The following PLEKHH2 variants were observed in gnomAD, a reference collection of about 807,000 sequenced individuals.
The protein encoded by PLEKHH2 is pleckstrin homology, MyTH4 and FERM domain containing H2, also known as pleckstrin homology domain-containing family H member 2.
PLEKHH2 carries 129 observed loss-of-function variants against 187.9 expected under a neutral mutation model. The ratio of observed to expected loss-of-function variants is 0.69; its 90% CI spans 0.59 to 0.79. The LOEUF (loss-of-function observed/expected upper bound fraction) is 0.79. Among genes scored for constraint, PLEKHH2 ranks in the 30% least tolerant of loss-of-function variants. PLEKHH2 has a pLI of 0.00. For synonymous variants in PLEKHH2, 686 were observed against 605.6 expected (o/e 1.13, Z -1.95); for missense variants, 2,076 against 1,751.2 (o/e 1.19, Z -3.31).
intron 15 of PLEKHH2, among the ~76,000 whole-genome samples, chr2:43,713,290 G>T (rs13407552): frequency 0.067 from 10,194 of 152,154 alleles, 1,162 homozygotes; most frequent in African/African-American, 0.23. Context: ...CTTAAGTGTA[G>T]AGTTTGACTA....
At chr2:43,725,753 T>G (rs1002012027) in intron 16 of PLEKHH2, among the ~76,000 whole-genome samples, 1 of 152,202 alleles carries the variant, frequency 6.6e-6, no homozygotes. Context: ...TTTAGGCTCT[T>G]TGGTTGTTGC....
chr2:43,681,753 G>T, intron 3 of PLEKHH2: 1 of 461,402 alleles, frequency 2.2e-6, no homozygotes, highest in Non-Finnish European at 3.8e-6. Flanking sequence ...TCAGTTTCGG[G>T]TCTGAGAGCC....
In PLEKHH2 at chr2:43,706,357, C is replaced by G; in HGVS notation, c.1762C>G (p.Leu588Val). 1.2e-6 allele frequency: 2 copies of G among 1,609,804 alleles called. No individual in the cohort carries two copies. The highest frequency in any genetic ancestry group is 1.7e-6 in the Non-Finnish European group (2 of 1,176,332). Residue 588 changes from leucine to valine, a missense_variant, in exon 10 of 30, where the codon CTT (leucine) becomes GTT (valine). Transcript: ENST00000282406. ...AATLSYTTSGLYTSLIYKNMT... is the reference protein window; with the variant it reads ...AATLSYTTSGVYTSLIYKNMT... ...AACCCTTTCCTATACTACATCAGGA[C>G]TTTATACATCTCTGATATACAAGAA...
chr2:43,674,091 A>G (rs1028992526), intron 2 of PLEKHH2, among the ~76,000 whole-genome samples: 3 of 152,196 alleles, frequency 2.0e-5, no homozygotes, highest in Non-Finnish European at 4.4e-5. Context: ...AATTTGTAAT[A>G]TATTAAATAT....
chr2:43,740,875 A>T, intron 20 of PLEKHH2, 71 bp from the exon 21 acceptor site: 5 of 1,579,766 alleles, frequency 3.2e-6, no homozygotes, highest in Non-Finnish European at 4.3e-6. Flanking sequence ...TCATCAGCCC[A>T]TTGCACTCAC....
intron 1 of PLEKHH2, among the ~76,000 whole-genome samples, chr2:43,639,066 G>A (rs982721591): frequency 6.6e-6 from 1 of 152,160 alleles, no homozygotes; most frequent in Non-Finnish European, 1.5e-5. Context: ...AGTGCGCTAG[G>A]TAAGATATAT....
chr2:43,675,435 A>C (rs1176488291), intron 2 of PLEKHH2: 2 of 1,610,522 alleles, frequency 1.2e-6, no homozygotes, highest in African/African-American at 2.7e-5. Flanking sequence ...AATAGTGTCC[A>C]AATGCCCTGA....
At chr2:43,736,695 G>T (rs892234922) in intron 19 of PLEKHH2, among the ~76,000 whole-genome samples, 1 of 152,112 alleles carries the variant, frequency 6.6e-6, no homozygotes. Context: ...TTAGCGAGTT[G>T]TGGTGGTTGG....
Position 43,644,790 on chromosome 2 carries a change from A to C in PLEKHH2, c.117A>C (p.Ala39=), listed in dbSNP as rs1220245270. The C allele has an allele frequency of 6.2e-7, 1 of 1,604,958 alleles. No homozygotes were observed. The highest frequency in any genetic ancestry group is 1.3e-5 in the African/African-American group (1 of 74,578). The change falls in exon 2 of 30, where the codon GCA becomes GCC. Residue 39 remains alanine (A), a synonymous_variant. Transcript: ENST00000282406. The part of the protein sequence containing the change: ...VQASKIRELL[A]EKMQQLERQV... ...CAAGCAAGATACGAGAGCTTTTAGC[A>C]GAGAAGGTAAGCTTTCTCCCTAAGC...
chr2:43,752,668 G>A (rs1328346950), intron 24 of PLEKHH2, among the ~76,000 whole-genome samples: 1 of 152,162 alleles, frequency 6.6e-6, no homozygotes, highest in Non-Finnish European at 1.5e-5. Context: ...GTATTCAGGT[G>A]TGTCAAGATG....
intron 7 of PLEKHH2, among the ~76,000 whole-genome samples, chr2:43,699,298 T>A (rs947291649): frequency 6.6e-5 from 10 of 152,326 alleles, no homozygotes; most frequent in Non-Finnish European, 1.3e-4. Context: ...ATAAAGCTTA[T>A]AGTTTTCAAA....
At position 43,642,320 on chromosome 2, in the gene PLEKHH2, C is replaced by G. The variant is rs370982092; in HGVS notation, c.-3-2351C>G. ...AAACAACTGACTTTTGTATGTTGAT[C>G]TGATTTCCTGAAACCTTGCTAAACT... is the stretch of plus-strand genomic sequence containing the variant. On this transcript the variant is annotated intron_variant, in intron 1 of 29. Coordinates refer to ENST00000282406, the MANE Select transcript of PLEKHH2 (RefSeq NM_172069.4). 1.2e-4 allele frequency among the ~76,000 whole-genome samples: 18 copies of G among 152,088 alleles called. No homozygotes were observed. In the East Asian group the frequency reaches 3.1e-3, roughly 26 times the overall value.
intron 18 of PLEKHH2, 52 bp from the exon 19 acceptor site, chr2:43,731,438 C>A: frequency 8.5e-7 from 1 of 1,181,428 alleles, no homozygotes; most frequent in Non-Finnish European, 1.3e-6. Flanking sequence ...TAATAAGAGG[C>A]CACAATAAGT....
intron 23 of PLEKHH2, among the ~76,000 whole-genome samples, chr2:43,744,883 A>G (rs563472218): frequency 1.4e-3 from 200 of 147,806 alleles, no homozygotes; most frequent in African/African-American, 4.4e-3. Flanking sequence ...AAAAAAAAAA[A>G]AAAAGAAAAA....
chr2:43,757,845 A>T (rs1672276850), intron 26 of PLEKHH2, among the ~76,000 whole-genome samples: 1 of 151,726 alleles, frequency 6.6e-6, no homozygotes, highest in South Asian at 2.1e-4. Flanking sequence ...CAACCCTGAT[A>T]ATAAATAAGA....
rs1572679885 is a variant in PLEKHH2, at chr2:43,765,786, C to A, written c.*188C>A. On this transcript the variant is annotated 3_prime_UTR_variant, in exon 30 of 30. Coordinates refer to ENST00000282406, the MANE Select transcript of PLEKHH2 (RefSeq NM_172069.4). ...ATAAATATTAACAGTAAAACATAAA[C>A]ACAAAATTTGCCAACACACTAATTT... 1.9e-6 allele frequency: 1 copy of A among 522,588 alleles called. No homozygotes were observed. The highest frequency in any genetic ancestry group is 3.3e-5 in the East Asian group (1 of 30,666). 32.4% of individuals were successfully genotyped at this position (522,588 alleles called of 1,614,324 possible).
intron 9 of PLEKHH2, among the ~76,000 whole-genome samples, chr2:43,704,718 T>C (rs570819791): frequency 5.3e-4 from 80 of 151,664 alleles, no homozygotes; most frequent in Non-Finnish European, 9.4e-4. Flanking sequence ...GTTCTGTGTT[T>C]TTTCCCACAA....
chr2:43,686,322 G>A lies in PLEKHH2; in HGVS notation c.187-6192G>A, dbSNP rs555193243. 3.3e-5 allele frequency among the ~76,000 whole-genome samples: 5 copies of A among 152,090 alleles called. No homozygotes were observed. The South Asian group carries it at 6.3e-4, about 19-fold the overall frequency. On this transcript the variant is annotated intron_variant, in intron 3 of 29. Transcript: ENST00000282406. ...AGCATTTCTCCTGCCTCCACCTCCC[G>A]AGTAGCTGGGAATACAGGTGCATGC...
intron 2 of PLEKHH2, among the ~76,000 whole-genome samples, chr2:43,651,230 C>T (rs749702229): frequency 1.3e-5 from 2 of 151,758 alleles, no homozygotes; most frequent in Non-Finnish European, 2.9e-5. Flanking sequence ...ATGCCTGCCT[C>T]AACCATTGTT....
Sources: gnomAD v4.1 joint callset for allele counts (sites outside exome capture counted in the v4.1 genomes callset) on GRCh38, gnomAD v4.1.1 for gene constraint, MANE v1.5 for transcripts, NCBI Gene and HGNC (gene_info 2026-07-23, HGNC 2026-07-21) for gene names.